Variants in ROBO1 observed in about 807,000 individuals in gnomAD.
ROBO1 encodes roundabout homolog 1.
ROBO1 carries 149 observed loss-of-function variants against 195.9 expected under a neutral mutation model. The observed-to-expected ratio is 0.76, with a 90% CI of 0.67 to 0.87. ROBO1 has a LOEUF of 0.87. ROBO1 is among the 40% of genes least tolerant of loss of function. The pLI is 0.00. For synonymous variants in ROBO1, 816 were observed against 733.2 expected (o/e 1.11, Z -1.82); for missense variants, 1,933 against 2,068.3 (o/e 0.93, Z 1.27).
At chr3:78,834,415 G>A (rs2032513762) in intron 4 of ROBO1, among the ~76,000 whole-genome samples, 1 of 149,648 alleles carries the variant, frequency 6.7e-6, no homozygotes, top group South Asian at 2.2e-4. Flanking sequence ...TGATGGTGCG[G>A]GGGTCAGAGG....
intron 1 of ROBO1, among the ~76,000 whole-genome samples, chr3:79,602,809 A>C (rs771226811): frequency 4.6e-5 from 7 of 152,006 alleles, no homozygotes; most frequent in Non-Finnish European, 1.0e-4. Context: ...GGAACTAAAA[A>C]TAGGTCTGTA....
chr3:79,434,964 CA>C (rs1184672344), intron 2 of ROBO1, among the ~76,000 whole-genome samples: 2 of 151,470 alleles, frequency 1.3e-5, no homozygotes, highest in African/African-American at 2.4e-5. Flanking sequence ...ATCGCAAGGA[CA>C]AAAAACCAAA....
intron 2 of ROBO1, among the ~76,000 whole-genome samples, chr3:79,290,311 A>T (rs899934365): frequency 1.3e-5 from 2 of 151,876 alleles, no homozygotes; most frequent in African/African-American, 4.8e-5. Context: ...GGATTACAGG[A>T]GTGAGCTACT....
At chr3:79,222,942 C>T (rs2082166566) in intron 2 of ROBO1, among the ~76,000 whole-genome samples, 1 of 152,114 alleles carries the variant, frequency 6.6e-6, no homozygotes, top group South Asian at 2.1e-4. Context: ...TTCTGGTTCT[C>T]AATATGTCAC....
intron 1 of ROBO1, among the ~76,000 whole-genome samples, chr3:79,735,757 G>C (rs755878988): frequency 1.3e-5 from 2 of 151,892 alleles, no homozygotes; most frequent in African/African-American, 4.8e-5. Flanking sequence ...TGTAGTCCCA[G>C]CTACTCGGGA....
rs1336885532 is a variant in ROBO1 at position 79,760,137 on chromosome 3, T to C, written c.-51+7615A>G. On this transcript the variant is annotated intron_variant, in intron 1 of 30. Coordinates refer to ENST00000464233, the MANE Select transcript of ROBO1 (RefSeq NM_002941.4). The stretch of plus-strand genomic sequence containing the variant: ...CTGTAGTCCCAGTTACTCGGGAGGC[T>C]GAGCCAGGAGAATTGCTTGAACCTA... Among the ~76,000 whole-genome samples, 4 of 147,142 alleles carry C rather than the reference T, an allele frequency of 2.7e-5. No individual in the cohort carries two copies. In the South Asian group the frequency reaches 8.6e-4, roughly 32 times the overall value.
At chr3:79,480,075 CT>C (rs1938756954) in intron 2 of ROBO1, among the ~76,000 whole-genome samples, 1 of 152,108 alleles carries the variant, frequency 6.6e-6, no homozygotes, top group Non-Finnish European at 1.5e-5. Flanking sequence ...ACCGAAAAGG[CT>C]TTTTGTACAA....
At chr3:79,592,691 C>T (rs1944041526) in intron 1 of ROBO1, among the ~76,000 whole-genome samples, 1 of 151,994 alleles carries the variant, frequency 6.6e-6, no homozygotes, top group Admixed American at 6.6e-5. Flanking sequence ...ATTGGCAACC[C>T]CCACCAGAAT....
chr3:79,703,894 G>A (rs1197094182), intron 1 of ROBO1, among the ~76,000 whole-genome samples: 1 of 151,934 alleles, frequency 6.6e-6, no homozygotes, highest in Non-Finnish European at 1.5e-5. Context: ...ATTCCAAAGA[G>A]AGTCTTTGAT....
intron 5 of ROBO1, among the ~76,000 whole-genome samples, chr3:78,732,937 A>C (rs189913497): frequency 4.5e-4 from 68 of 152,296 alleles, no homozygotes; most frequent in African/African-American, 1.5e-3. Context: ...AACCTGTACC[A>C]TCTGGTAGTA....
At chr3:79,361,166 C>G (rs1025213738) in intron 2 of ROBO1, among the ~76,000 whole-genome samples, 1 of 151,904 alleles carries the variant, frequency 6.6e-6, no homozygotes, top group Admixed American at 6.6e-5. Context: ...GTTGTATGAC[C>G]TGAGATAAAT....
chr3:78,822,093 T>TACACACAC (rs113114251), intron 4 of ROBO1, among the ~76,000 whole-genome samples: 11,355 of 146,882 alleles, frequency 0.077, 458 homozygotes, highest in African/African-American at 0.092. Context: ...CACATATACA[T>TACACACAC]ACACACACAC....
At chr3:79,641,816 G>A (rs1170208786) in intron 1 of ROBO1, among the ~76,000 whole-genome samples, 4 of 151,942 alleles carry the variant, frequency 2.6e-5, no homozygotes, top group Non-Finnish European at 5.9e-5. Context: ...TCAGGGGTTC[G>A]AGACCAGGCT....
intron 2 of ROBO1, among the ~76,000 whole-genome samples, chr3:79,359,377 A>G (rs2035679001): frequency 6.6e-6 from 1 of 152,076 alleles, no homozygotes; most frequent in Non-Finnish European, 1.5e-5. Context: ...ACATTATGAA[A>G]TACATTTTCC....
intron 2 of ROBO1, among the ~76,000 whole-genome samples, chr3:79,368,789 TTCTG>T (rs1349385328): frequency 2.0e-5 from 3 of 152,152 alleles, no homozygotes; most frequent in African/African-American, 7.2e-5. Flanking sequence ...TTTTTTGCTC[TTCTG>T]TCTCTCAGAA....
chr3:78,636,118 A>G lies in ROBO1; in HGVS notation c.3038-10T>C. 6.4e-7 allele frequency: 1 copy of G among 1,574,630 alleles called. No individual in the cohort carries two copies. The highest frequency in any genetic ancestry group is 8.7e-7 in the Non-Finnish European group (1 of 1,153,624). The stretch of plus-strand genomic sequence containing the variant: ...TTTGCTATACAATCAGCTATGTGCA[A>G]TGGAGAGGAAAAGGAAAAAATCATT... On this transcript the variant is annotated splice_polypyrimidine_tract_variant and intron_variant, in intron 22 of 30. Transcript: ENST00000464233.
chr3:79,653,949 G>A (rs953350649), intron 1 of ROBO1, among the ~76,000 whole-genome samples: 6 of 152,038 alleles, frequency 3.9e-5, no homozygotes, highest in South Asian at 2.1e-4. Context: ...AGGAAAGTAT[G>A]TTTTGTTTTG....
intron 2 of ROBO1, among the ~76,000 whole-genome samples, chr3:79,322,617 A>G (rs1385348389): frequency 6.6e-6 from 1 of 152,138 alleles, no homozygotes; most frequent in African/African-American, 2.4e-5. Flanking sequence ...AGAAAATATA[A>G]CTCAAAATTT....
intron 2 of ROBO1, among the ~76,000 whole-genome samples, chr3:79,303,872 CTGGTCAGTTCT>C (rs1351770966): frequency 6.6e-6 from 1 of 151,866 alleles, no homozygotes; most frequent in East Asian, 1.9e-4. Flanking sequence ...ATTTCTGTGA[CTGGTCAGTTCT>C]TGGTCAAAGC....
Sources: allele counts gnomAD v4.1 joint callset (sites outside exome capture counted in the v4.1 genomes callset), GRCh38; gene constraint gnomAD v4.1.1; transcripts MANE v1.5; gene names NCBI Gene and HGNC (gene_info 2026-07-23, HGNC 2026-07-21).